Variants in CDC42BPA observed in about 807,000 individuals in gnomAD.
The protein encoded by CDC42BPA is serine/threonine-protein kinase MRCK alpha.
A neutral mutation model predicts 223.5 loss-of-function variants in CDC42BPA; 80 were observed. The observed-to-expected ratio is 0.36, with a 90% confidence interval of 0.30 to 0.43. The LOEUF is 0.43. Among genes scored for constraint, CDC42BPA ranks in the 20% least tolerant of loss-of-function variants. The pLI, the probability that CDC42BPA is intolerant of heterozygous loss-of-function variation, is 1.00. For missense variants in CDC42BPA, 1,743 were observed against 2,099.9 expected, an observed-to-expected ratio of 0.83 and a Z score of 3.32; for synonymous variants, 694 against 718.6, an observed-to-expected ratio of 0.97 and a Z score of 0.55.
chr1:227,016,033 T>C, intron 34 of CDC42BPA, 47 bp downstream of exon 34: 1 of 937,638 alleles, frequency 1.1e-6, no homozygotes, highest in Non-Finnish European at 1.7e-6. Flanking sequence ...GTATTTATAC[T>C]CCCCCCACAC....
At position 227,023,454 on chromosome 1, in the gene CDC42BPA, T is replaced by C. The variant is rs544920533; in HGVS notation, c.4531-107A>G. The C allele has an allele frequency of 2.7e-5, 14 of 525,756 alleles. No homozygotes were observed. In the South Asian group the frequency reaches 3.7e-4, roughly 14 times the overall value. The allele number at this position is 525,756 out of a possible 1,614,324, so 32.6% of individuals were successfully genotyped here. A position where few individuals can be genotyped will look rare whatever the true frequency, so the allele number is the denominator to read the frequency against. On this transcript the variant is annotated intron_variant, in intron 31 of 36. Coordinates refer to ENST00000366766, the MANE Select transcript of CDC42BPA (RefSeq NM_001394014.1). ...ACCTTATTAAGACTTCTCATTTATC[T>C]ACTTCAAAATGCAGCCCTCTCAGAA...
At position 227,129,763 on chromosome 1, in the gene CDC42BPA, G is replaced by A. The variant is rs150287062; in HGVS notation, c.1391-532C>T. On this transcript the variant is annotated intron_variant, in intron 10 of 36. Coordinates refer to ENST00000366766, the MANE Select transcript of CDC42BPA (RefSeq NM_001394014.1). ...ATTTTTGGTTTTAAATACTATTGGC[G>A]TACTCTGCCAATGAATCAACTACAT... 1.1e-4 allele frequency among the ~76,000 whole-genome samples: 15 copies of A among 142,016 alleles called. No individual in the cohort carries two copies. The East Asian group carries it at 2.3e-3, about 21-fold the overall frequency. The allele number at this position is 142,016 out of a possible 152,430, so 93.2% of individuals were successfully genotyped here.
chr1:227,269,310 G>A (rs1358915763), intron 1 of CDC42BPA, among the ~76,000 whole-genome samples: 1 of 152,122 alleles, frequency 6.6e-6, no homozygotes, highest in Non-Finnish European at 1.5e-5. Flanking sequence ...TAAATGAGTG[G>A]GAGAAAGATG....
intron 11 of CDC42BPA, among the ~76,000 whole-genome samples, chr1:227,125,247 A>C (rs565514420): frequency 6.6e-6 from 1 of 151,996 alleles, no homozygotes; most frequent in East Asian, 1.9e-4. Context: ...AACAATGGAC[A>C]AGTGCAGGGG....
chr1:227,046,939 T>A (rs565947981), intron 23 of CDC42BPA, among the ~76,000 whole-genome samples: 10 of 152,330 alleles, frequency 6.6e-5, no homozygotes, highest in African/African-American at 2.4e-4. Flanking sequence ...AATCTGATGA[T>A]AATCTCATTT....
At chr1:227,282,539 T>C (rs2148583683) in intron 1 of CDC42BPA, among the ~76,000 whole-genome samples, 1 of 152,362 alleles carries the variant, frequency 6.6e-6, no homozygotes, top group East Asian at 1.9e-4. Flanking sequence ...TCTCTGGTAT[T>C]ACCGGCAGTT....
intron 14 of CDC42BPA, among the ~76,000 whole-genome samples, chr1:227,106,520 A>AT (rs1236289083): frequency 1.3e-5 from 2 of 151,962 alleles, no homozygotes; most frequent in African/African-American, 2.4e-5. Context: ...TAATTTTGTG[A>AT]TTTTTTTGTC....
At chr1:227,110,587 A>T (rs1003252715) in intron 14 of CDC42BPA, among the ~76,000 whole-genome samples, 2 of 152,212 alleles carry the variant, frequency 1.3e-5, no homozygotes, top group African/African-American at 4.8e-5. Context: ...CAATTTTCTC[A>T]AATAAAAATA....
chr1:227,097,783 A>G (rs1458231480), intron 15 of CDC42BPA, among the ~76,000 whole-genome samples: 3 of 152,184 alleles, frequency 2.0e-5, no homozygotes, highest in Non-Finnish European at 2.9e-5. Context: ...AACTTCAGTA[A>G]ACACACTGTG....
chr1:227,147,232 T>A, intron 7 of CDC42BPA, 127 bp downstream of exon 7: 1 of 619,114 alleles, frequency 1.6e-6, no homozygotes, highest in South Asian at 2.3e-5. Context: ...ATTTATGTTG[T>A]CCTGTCCCAT....
At chr1:227,038,512 T>A (rs1026281137) in intron 24 of CDC42BPA, among the ~76,000 whole-genome samples, 1 of 152,206 alleles carries the variant, frequency 6.6e-6, no homozygotes, top group Non-Finnish European at 1.5e-5. Flanking sequence ...AAAAAATTAA[T>A]CTTGTTCATG....
rs60588018 is a variant in CDC42BPA at position 227,222,052 on chromosome 1, C to CAA, written c.271-8835_271-8834dup. On this transcript the variant is annotated intron_variant, in intron 2 of 36. Transcript: ENST00000366766. ...CAACATAGGAAGACCCTATCTCTACCAAAAAAAAAAAAAAAAAAAAAAAAA... is the reference window on the plus strand; with the variant it reads ...CAACATAGGAAGACCCTATCTCTACCAAAAAAAAAAAAAAAAAAAAAAAAAAA... 3.8e-3 allele frequency among the ~76,000 whole-genome samples: 332 copies of CAA among 86,468 alleles called. 6 individuals are homozygous for CAA. The highest frequency in any genetic ancestry group is 0.019 in the East Asian group (56 of 3,018). The allele number at this position is 86,468 out of a possible 152,430, so 56.7% of individuals were successfully genotyped here. A position where few individuals can be genotyped will look rare whatever the true frequency, so the allele number is the denominator to read the frequency against.
intron 1 of CDC42BPA, among the ~76,000 whole-genome samples, chr1:227,256,940 T>TACACAC (rs1160019576): frequency 4.3e-5 from 5 of 117,616 alleles, no homozygotes; most frequent in African/African-American, 1.6e-4. Flanking sequence ...ATGTGATATA[T>TACACAC]ATATACAGAC....
intron 34 of CDC42BPA, among the ~76,000 whole-genome samples, chr1:227,014,484 CTGAGA>C (rs1414637870): frequency 8.5e-5 from 13 of 152,116 alleles, no homozygotes; most frequent in Non-Finnish European, 1.9e-4. Flanking sequence ...AACTGATGAA[CTGAGA>C]TATTTACAAT....
In CDC42BPA at chr1:226,994,432, G is replaced by A. The variant is rs1433703458; in HGVS notation, c.5134-33C>T. The A allele has an allele frequency of 6.8e-7, 1 of 1,468,312 alleles. No individual in the cohort carries two copies. The highest frequency in any genetic ancestry group is 1.4e-5 in the African/African-American group (1 of 70,330). 91.0% of individuals were successfully genotyped at this position (1,468,312 alleles called of 1,614,324 possible). On this transcript the variant is annotated intron_variant, in intron 36 of 36. Transcript: ENST00000366766. This position sits in a 1 kb window ranked among gnomAD's most constrained non-coding sequence, Gnocchi z 4.0. ...GCCCAAAGTAAAACATTAATGAGAA[G>A]GAGGGGGAGAAAGGGAGGCAGAAGG...
At chr1:226,997,475 T>G (rs1661878864) in intron 35 of CDC42BPA, among the ~76,000 whole-genome samples, 1 of 152,190 alleles carries the variant, frequency 6.6e-6, no homozygotes, top group Admixed American at 6.5e-5. Context: ...TCTTAGTTAT[T>G]TCTTGTCTTA....
chr1:227,141,765 C>G (rs769698121), intron 9 of CDC42BPA, among the ~76,000 whole-genome samples: 1 of 152,172 alleles, frequency 6.6e-6, no homozygotes, highest in Non-Finnish European at 1.5e-5. Flanking sequence ...GACTGTGCCA[C>G]TGCACTCCAG....
Position 227,193,788 on chromosome 1 carries a change from GT to G in CDC42BPA, c.596del (p.His199ProfsTer10). The G allele has an allele frequency of 6.2e-7, 1 of 1,609,090 alleles. No individual in the cohort carries two copies. Among genetic ancestry groups the G allele is most frequent in the Non-Finnish European group, 8.5e-7 (1 of 1,177,802 alleles). Reference sequence around the variant, plus strand: ...GGTACAATGAAGGACTGTTTTACCTGTGTACATAATGTAGCTGATGAACTGA... The same window carrying G: ...GGTACAATGAAGGACTGTTTTACCTGGTACATAATGTAGCTGATGAACTGA... ...IDSVHQLHYV[H>X]RDIKPDNILM... On this transcript the variant is annotated frameshift_variant, in exon 5 of 37. Coordinates refer to ENST00000366766, the MANE Select transcript of CDC42BPA (RefSeq NM_001394014.1). LOFTEE classifies it high-confidence loss of function.
intron 5 of CDC42BPA, among the ~76,000 whole-genome samples, chr1:227,183,618 T>G (rs1407678698): frequency 6.6e-6 from 1 of 152,228 alleles, no homozygotes; most frequent in Non-Finnish European, 1.5e-5. Context: ...CTGTGTTGTT[T>G]CCGGTATTCT....
Sources: allele counts gnomAD v4.1 joint callset (sites outside exome capture counted in the v4.1 genomes callset), GRCh38; gene constraint gnomAD v4.1.1; non-coding constraint Gnocchi (gnomAD v3.1); transcripts MANE v1.5; gene names NCBI Gene and HGNC (gene_info 2026-07-23, HGNC 2026-07-21).